Variants in KCNQ3 observed in about 807,000 individuals in gnomAD.
KCNQ3 encodes the protein potassium voltage-gated channel subfamily KQT member 3.
In KCNQ3, 30 loss-of-function variants were observed where a neutral mutation model predicts 92.5. The ratio of observed to expected loss-of-function variants is 0.32; its 90% CI spans 0.24 to 0.44. The LOEUF is 0.44. KCNQ3 is among the 20% of genes least tolerant of loss of function. The pLI, the probability that KCNQ3 is intolerant of heterozygous loss-of-function variation, is 1.00. For synonymous variants in KCNQ3, 450 were observed against 468.8 expected (o/e 0.96, Z 0.52); for missense variants, 913 against 1,140.3 (o/e 0.80, Z 2.87).
chr8:132,313,256 A>T (rs1817647168), intron 1 of KCNQ3, among the ~76,000 whole-genome samples: 1 of 152,244 alleles, frequency 6.6e-6, no homozygotes, highest in Non-Finnish European at 1.5e-5. Flanking sequence ...AGAAGCCTGA[A>T]GAATAGTTTA....
intron 1 of KCNQ3, among the ~76,000 whole-genome samples, chr8:132,228,098 C>T (rs1405374512): frequency 6.6e-6 from 1 of 152,108 alleles, no homozygotes; most frequent in African/African-American, 2.4e-5. Context: ...GTTAATAAAA[C>T]CAAAGCCGCT....
At chr8:132,359,358 T>C (rs1819101600) in intron 1 of KCNQ3, among the ~76,000 whole-genome samples, 1 of 152,216 alleles carries the variant, frequency 6.6e-6, no homozygotes, top group Non-Finnish European at 1.5e-5. Context: ...TGGATTGGCA[T>C]GAGGCTCCTT....
chr8:132,128,069 TCCC>T lies in KCNQ3; in HGVS notation c.*1190_*1192del, dbSNP rs1424358005. The T allele has an allele frequency of 5.3e-5, 8 of 152,116 alleles. No individual in the cohort carries two copies. In the East Asian group the frequency reaches 1.5e-3, roughly 29 times the overall value. 9.4% of individuals were successfully genotyped at this position (152,116 alleles called of 1,614,324 possible). On this transcript the variant is annotated 3_prime_UTR_variant, in exon 15 of 15. Coordinates refer to ENST00000388996, the MANE Select transcript of KCNQ3 (RefSeq NM_004519.4). ...GCATGTTTTGCAATAAAAGTGGAAATCCCCCTCCTGCTGGATAAACTGGGTGCT... is the reference window on the plus strand; with the variant it reads ...GCATGTTTTGCAATAAAAGTGGAAATCCTCCTGCTGGATAAACTGGGTGCT...
intron 1 of KCNQ3, among the ~76,000 whole-genome samples, chr8:132,332,339 C>A (rs1818255026): frequency 6.6e-6 from 1 of 152,162 alleles, no homozygotes; most frequent in Non-Finnish European, 1.5e-5. Flanking sequence ...GCCAGAGGTA[C>A]CCAGATAAGC....
intron 3 of KCNQ3, among the ~76,000 whole-genome samples, chr8:132,182,802 G>A (rs1195868300): frequency 4.6e-5 from 7 of 151,964 alleles, no homozygotes; most frequent in South Asian, 2.1e-4. Context: ...AAAGAAAAGC[G>A]GGGATTAGAT....
chr8:132,303,320 G>A (rs1817281677), intron 1 of KCNQ3, among the ~76,000 whole-genome samples: 1 of 151,634 alleles, frequency 6.6e-6, no homozygotes, highest in South Asian at 2.1e-4. Flanking sequence ...TGTCCTCAAA[G>A]ACCTCACGGT....
At chr8:132,307,898 T>C (rs988198438) in intron 1 of KCNQ3, among the ~76,000 whole-genome samples, 15 of 152,130 alleles carry the variant, frequency 9.9e-5, no homozygotes, top group African/African-American at 3.6e-4. Flanking sequence ...CACACTTCCA[T>C]AGGGTTCTCT....
intron 1 of KCNQ3, among the ~76,000 whole-genome samples, chr8:132,308,509 C>G (rs1222986172): frequency 6.6e-6 from 1 of 152,170 alleles, no homozygotes; most frequent in African/African-American, 2.4e-5. Flanking sequence ...GGAAGTACAA[C>G]AGCAAAAAGA....
intron 1 of KCNQ3, among the ~76,000 whole-genome samples, chr8:132,356,436 G>A (rs879512895): frequency 6.6e-6 from 1 of 152,186 alleles, no homozygotes; most frequent in Non-Finnish European, 1.5e-5. Flanking sequence ...CCTACTTTGA[G>A]GCTCTGGGCC....
At chr8:132,221,119 A>G (rs1003295443) in intron 1 of KCNQ3, among the ~76,000 whole-genome samples, 2 of 152,070 alleles carry the variant, frequency 1.3e-5, no homozygotes, top group African/African-American at 4.8e-5. Flanking sequence ...ATACAGCTGC[A>G]TCCATGTCCC....
intron 1 of KCNQ3, among the ~76,000 whole-genome samples, chr8:132,297,962 T>C (rs1173447297): frequency 6.6e-6 from 1 of 152,228 alleles, no homozygotes; most frequent in Non-Finnish European, 1.5e-5. Context: ...TAAAAGTGTG[T>C]TTTAAATTAC....
intron 1 of KCNQ3, among the ~76,000 whole-genome samples, chr8:132,187,417 T>G (rs113974700): frequency 0.023 from 3,440 of 152,322 alleles, 150 homozygotes; most frequent in African/African-American, 0.079. Flanking sequence ...GTACTGCCTC[T>G]GACCCTTAGT....
chr8:132,153,536 A>G (rs915350163), intron 9 of KCNQ3, among the ~76,000 whole-genome samples: 5 of 152,200 alleles, frequency 3.3e-5, no homozygotes, highest in Admixed American at 3.3e-4. Context: ...GCAGATGATA[A>G]CAGCAGTTAA....
intron 1 of KCNQ3, among the ~76,000 whole-genome samples, chr8:132,407,171 C>T (rs1271253831): frequency 6.6e-6 from 1 of 152,058 alleles, no homozygotes; most frequent in African/African-American, 2.4e-5. Flanking sequence ...GGGCAGGGAC[C>T]CTTCCCAGTT....
chr8:132,349,546 T>A (rs1818796527), intron 1 of KCNQ3, among the ~76,000 whole-genome samples: 1 of 152,202 alleles, frequency 6.6e-6, no homozygotes, highest in African/African-American at 2.4e-5. Flanking sequence ...TATTATAAGA[T>A]GTTAGCAGAT....
intron 1 of KCNQ3, among the ~76,000 whole-genome samples, chr8:132,283,092 CGTGT>C (rs1195934839): frequency 9.2e-5 from 12 of 130,698 alleles, no homozygotes; most frequent in South Asian, 7.4e-4. Flanking sequence ...CTCTCTCTCT[CGTGT>C]GTGTGTGTGT....
chr8:132,169,523 G>A (rs534387856), intron 8 of KCNQ3, among the ~76,000 whole-genome samples: 5 of 152,212 alleles, frequency 3.3e-5, no homozygotes, highest in Non-Finnish European at 7.4e-5. Flanking sequence ...GTGGCTAGAG[G>A]ACTCTTCCTG....
At chr8:132,439,975 T>C (rs1162362086) in intron 1 of KCNQ3, among the ~76,000 whole-genome samples, 1 of 152,232 alleles carries the variant, frequency 6.6e-6, no homozygotes, top group Non-Finnish European at 1.5e-5. Context: ...CAATCCCAGA[T>C]GCTCAATCCT....
intron 1 of KCNQ3, among the ~76,000 whole-genome samples, chr8:132,218,152 C>T (rs559296387): frequency 2.8e-4 from 42 of 152,280 alleles, no homozygotes; most frequent in African/African-American, 9.6e-4. Context: ...GAAAAAAAAG[C>T]TCTGCTCCAT....
Sources: gnomAD v4.1 joint callset for allele counts (sites outside exome capture counted in the v4.1 genomes callset) on GRCh38, gnomAD v4.1.1 for gene constraint, MANE v1.5 for transcripts, NCBI Gene and HGNC (gene_info 2026-07-23, HGNC 2026-07-21) for gene names.